TMEM72: variants seen among roughly 807,000 people sequenced by gnomAD.
TMEM72 encodes the protein kidney-specific secretory protein of 37 kDa.
TMEM72 carries 9 observed loss-of-function variants against 16.3 expected under a neutral mutation model. The observed-to-expected ratio is 0.55, with a 90% CI of 0.33 to 0.96. The LOEUF is 0.96. Among genes scored for constraint, TMEM72 ranks in the 40% least tolerant of loss-of-function variants. TMEM72 has a pLI of 0.03. For synonymous variants in TMEM72, 160 were observed against 146.5 expected (o/e 1.09, Z -0.66); for missense variants, 324 against 337.8 (o/e 0.96, Z 0.32).
At chr10:44,934,377 C>T (rs1401781050) in intron 4 of TMEM72, among the ~76,000 whole-genome samples, 1 of 152,190 alleles carries the variant, frequency 6.6e-6, no homozygotes, top group Non-Finnish European at 1.5e-5. Flanking sequence ...CTCATGAACC[C>T]ATCTACAATA....
At chr10:44,914,998 T>C (rs1371923228) in intron 1 of TMEM72, among the ~76,000 whole-genome samples, 1 of 152,178 alleles carries the variant, frequency 6.6e-6, no homozygotes, top group East Asian at 1.9e-4. Flanking sequence ...GAGGCACCTC[T>C]CAGGCCGTCC....
Position 44,911,558 on chromosome 10 carries a change from C to A in TMEM72, c.46C>A (p.Leu16Ile), listed in dbSNP as rs1015851902. The part of the protein sequence containing the change: ...FWTGLEYTCR[L>I]LGITTAAVLI... Reference sequence around the variant, plus strand: ...GACTGGGCTGGAATACACCTGCCGGCTCCTGGGCATCACCACTGCTGCAGG... The same window carrying A: ...GACTGGGCTGGAATACACCTGCCGGATCCTGGGCATCACCACTGCTGCAGG... Residue 16 changes from leucine to isoleucine, a missense_variant, in exon 1 of 5, where the codon CTC (leucine) becomes ATC (isoleucine). By Grantham distance (5) the Leu-to-Ile change is conservative. Coordinates refer to ENST00000389583, the MANE Select transcript of TMEM72 (RefSeq NM_001123376.3). 1 of 1,551,256 alleles carries A rather than the reference C, an allele frequency of 6.4e-7. No homozygotes were observed. Among genetic ancestry groups the A allele is most frequent in the Non-Finnish European group, 8.7e-7 (1 of 1,147,318 alleles).
At chr10:44,925,955 ACT>A (rs562139463) in intron 1 of TMEM72, among the ~76,000 whole-genome samples, 67 of 151,952 alleles carry the variant, frequency 4.4e-4, no homozygotes, top group African/African-American at 1.4e-3. Flanking sequence ...TTACACACAC[ACT>A]CACACACATA....
intron 3 of TMEM72, 82 bp downstream of exon 3, chr10:44,932,151 C>A (rs1172423959): frequency 2.0e-6 from 3 of 1,477,846 alleles, no homozygotes; most frequent in Admixed American, 1.9e-5. Context: ...AGCCCACAAC[C>A]AGGGGATGTC....
At chr10:44,923,403 C>T (rs866850856) in intron 1 of TMEM72, among the ~76,000 whole-genome samples, 1 of 152,088 alleles carries the variant, frequency 6.6e-6, no homozygotes, top group Non-Finnish European at 1.5e-5. Context: ...ATTTCTCCCT[C>T]TCTCTTTTTA....
At chr10:44,920,182 C>A (rs111939822) in intron 1 of TMEM72, 1 of 152,256 alleles carries the variant, frequency 6.6e-6, no homozygotes, top group Non-Finnish European at 1.5e-5. Context: ...GTACAAAATT[C>A]TCATCCAATG....
At chr10:44,925,015 A>C (rs1840163261) in intron 1 of TMEM72, among the ~76,000 whole-genome samples, 1 of 152,210 alleles carries the variant, frequency 6.6e-6, no homozygotes, top group South Asian at 2.1e-4. Context: ...TAAGCCGTGC[A>C]TTTCAGACTC....
rs138958742 is a variant in TMEM72 at position 44,934,786 on chromosome 10, C to T, written c.480C>T (p.Thr160=). The T allele has an allele frequency of 1.8e-3, 2,950 of 1,613,626 alleles. 5 individuals carry two copies. The highest frequency in any genetic ancestry group is 2.6e-3 in the Middle Eastern group (16 of 6,062). ...TDPSSSAVST[T]GSGDTEQTYT... ...CCTCTAGCAGCGCTGTGAGCACCAC[C>T]GGCTCTGGGGACACAGAGCAAACCT... is the stretch of plus-strand genomic sequence containing the variant. Residue 160 remains threonine, a synonymous_variant, in exon 5 of 5, where the codon ACC becomes ACT. Transcript: ENST00000389583.
chr10:44,912,524 C>CT (rs1839952557), intron 1 of TMEM72, among the ~76,000 whole-genome samples: 1 of 152,228 alleles, frequency 6.6e-6, no homozygotes, highest in South Asian at 2.1e-4. Context: ...GAAAGTTCTC[C>CT]TAGGTCAAAA....
chr10:44,933,677 G>A lies in TMEM72; in HGVS notation c.250G>A (p.Ala84Thr). ...CCTGGCAGACAGAGTAAGGGAGAAA[G>A]CCCACTGGCTGGGCTGCTTCCAGAA... ...GSLADRVREKAHWLGCFQKFL... is the reference protein window; with the variant it reads ...GSLADRVREKTHWLGCFQKFL... Residue 84 changes from alanine (A) to threonine (T), a missense_variant, in exon 4 of 5, where the codon GCC becomes ACC. Ala to Thr is a moderately conservative substitution (Grantham distance 58). Transcript: ENST00000389583. 1 of 1,614,108 alleles carries A rather than the reference G, an allele frequency of 6.2e-7. No individual in the cohort carries two copies. Among genetic ancestry groups the A allele is most frequent in the Non-Finnish European group, 8.5e-7 (1 of 1,179,988 alleles).
intron 1 of TMEM72, among the ~76,000 whole-genome samples, chr10:44,920,938 G>A (rs1200960398): frequency 6.6e-6 from 1 of 152,186 alleles, no homozygotes; most frequent in Non-Finnish European, 1.5e-5. Context: ...TGAGACCAGA[G>A]CTCCAGGATG....
In TMEM72 at chr10:44,934,538, G is replaced by C; in HGVS notation, c.350-118G>C. 3 of 1,010,394 alleles carry C rather than the reference G, an allele frequency of 3.0e-6. No individual in the cohort carries two copies. The South Asian group carries it at 5.2e-5, about 18-fold the overall frequency. The allele number at this position is 1,010,394 out of a possible 1,614,324, so 62.6% of individuals were successfully genotyped here. On this transcript the variant is annotated intron_variant, in intron 4 of 4. Transcript: ENST00000389583. ...CAGGCAAGAGGGCCAGGGCCACAGG[G>C]GCCTGTGAATGGCCACACAGCGCCG...
intron 1 of TMEM72, among the ~76,000 whole-genome samples, chr10:44,917,147 C>A (rs1434697893): frequency 6.6e-6 from 1 of 152,130 alleles, no homozygotes; most frequent in Non-Finnish European, 1.5e-5. Flanking sequence ...ATCCGAGCAC[C>A]AAGCACTGCA....
intron 1 of TMEM72, among the ~76,000 whole-genome samples, chr10:44,922,840 A>C (rs891431998): frequency 2.0e-5 from 3 of 152,212 alleles, no homozygotes; most frequent in African/African-American, 7.2e-5. Flanking sequence ...GGACCCAGAA[A>C]TGCTTACTCC....
intron 2 of TMEM72, among the ~76,000 whole-genome samples, chr10:44,928,681 C>A (rs979845060): frequency 1.3e-5 from 2 of 151,824 alleles, no homozygotes; most frequent in African/African-American, 4.8e-5. Flanking sequence ...CATCCACCCA[C>A]CTATCCATTT....
chr10:44,929,160 G>T (rs1235364057), intron 2 of TMEM72, among the ~76,000 whole-genome samples: 1 of 144,942 alleles, frequency 6.9e-6, no homozygotes, highest in African/African-American at 2.9e-5. Flanking sequence ...TTTTTCCCCA[G>T]ACAATGTCTT....
rs775732083 is a variant in TMEM72 at position 44,934,938 on chromosome 10, A to G, written c.632A>G (p.Glu211Gly). 1.9e-6 allele frequency: 3 copies of G among 1,613,904 alleles called. No homozygotes were observed. The highest frequency in any genetic ancestry group is 2.2e-5 in the South Asian group (2 of 91,054). The stretch of plus-strand genomic sequence containing the variant: ...AACACCCTGATGGAGCTGAGCCTGG[A>G]GCCAGCCGACTCCCTGGCCAAGAAG... ...PPNTLMELSLEPADSLAKKKQ... is the reference protein window; with the variant it reads ...PPNTLMELSLGPADSLAKKKQ... The change falls in exon 5 of 5, where the codon GAG becomes GGG. Residue 211 changes from glutamate to glycine, a missense_variant. By Grantham distance (98) the Glu-to-Gly change is moderately conservative. Transcript: ENST00000389583.
At position 44,927,931 on chromosome 10, in the gene TMEM72, C is replaced by T. The variant is rs765975503; in HGVS notation, c.81C>T (p.Gly27=). ...TCTCTTGCCCCTTAGTGTTGATCGGCGTGGGCACTGAGACCTTCCTCCAGG... is the reference window on the plus strand; with the variant it reads ...TCTCTTGCCCCTTAGTGTTGATCGGTGTGGGCACTGAGACCTTCCTCCAGG... ...LGITTAAVLI[G]VGTETFLQGQ... The change falls in exon 2 of 5, where the codon GGC becomes GGT. Residue 27 remains glycine (G), a synonymous_variant. Coordinates refer to ENST00000389583, the MANE Select transcript of TMEM72 (RefSeq NM_001123376.3). 14 of 1,613,246 alleles carry T rather than the reference C, an allele frequency of 8.7e-6. No individual in the cohort carries two copies. Among genetic ancestry groups the T allele is most frequent in the East Asian group, 2.2e-5 (1 of 44,838 alleles).
At chr10:44,928,376 A>C (rs1840235585) in intron 2 of TMEM72, among the ~76,000 whole-genome samples, 1 of 150,982 alleles carries the variant, frequency 6.6e-6, no homozygotes. Flanking sequence ...CTACCCACCC[A>C]CCTCTTCATC....
Sources: allele counts gnomAD v4.1 joint callset (sites outside exome capture counted in the v4.1 genomes callset), GRCh38; gene constraint gnomAD v4.1.1; transcripts MANE v1.5; gene names NCBI Gene and HGNC (gene_info 2026-07-23, HGNC 2026-07-21).